The following TAFA5 variants were observed in gnomAD, a reference collection of about 807,000 sequenced individuals.
TAFA5 encodes chemokine-like protein TAFA-5.
TAFA5 carries 6 observed loss-of-function variants against 15.3 expected under a neutral mutation model. The observed-to-expected ratio is 0.39, with a 90% CI of 0.21 to 0.77. The LOEUF is 0.77. Ranked by LOEUF, TAFA5 falls within the 30% of genes least tolerant of loss-of-function variation. The probability of loss-of-function intolerance (pLI) is 0.41; values close to 1 mark genes in which losing one functional copy is unlikely to be tolerated. For synonymous variants in TAFA5, 103 were observed against 80.7 expected, an observed-to-expected ratio of 1.28 and a Z score of -1.48; for missense variants, 161 against 193.1, an observed-to-expected ratio of 0.83 and a Z score of 0.98.
intron 1 of TAFA5, among the ~76,000 whole-genome samples, chr22:48,585,420 CACA>C (rs1303610119): frequency 1.3e-5 from 2 of 150,052 alleles, no homozygotes; most frequent in African/African-American, 4.9e-5. Context: ...CATACACACA[CACA>C]ACACATCACA....
Position 48,679,762 on chromosome 22 carries a change from C to T in TAFA5, c.263-27955C>T, listed in dbSNP as rs137950650. Among the ~76,000 whole-genome samples, 399 of 145,004 alleles carry T rather than the reference C, an allele frequency of 2.8e-3. 13 individuals are homozygous for T. In the East Asian group the frequency reaches 0.065, roughly 24 times the overall value. On this transcript the variant is annotated intron_variant, in intron 2 of 3. Transcript: ENST00000402357. ...TCTCCTGGCTCCCCAGCTCCCCGTC[C>T]ATCCCTCTCCCGGCTCCCTGTCCAT...
chr22:48,576,329 G>A, intron 1 of TAFA5: 1 of 1,195,936 alleles, frequency 8.4e-7, no homozygotes, highest in East Asian at 3.6e-5. Flanking sequence ...GCCTCCCGGA[G>A]TGGCGCCTCC....
At chr22:48,523,330 A>G (rs1921670873) in intron 1 of TAFA5, among the ~76,000 whole-genome samples, 1 of 152,008 alleles carries the variant, frequency 6.6e-6, no homozygotes, top group African/African-American at 2.4e-5. Context: ...CATCCAGGGG[A>G]CCCTACGGGG....
chr22:48,645,619 G>T (rs1418048910), intron 1 of TAFA5, among the ~76,000 whole-genome samples: 3 of 152,082 alleles, frequency 2.0e-5, no homozygotes, highest in South Asian at 2.1e-4. Flanking sequence ...GCCCTGTGGG[G>T]TATCTGTAAT....
chr22:48,546,280 G>A (rs926199408), intron 1 of TAFA5, among the ~76,000 whole-genome samples: 8 of 152,220 alleles, frequency 5.3e-5, no homozygotes, highest in South Asian at 2.1e-4. Context: ...CCATGCCGGC[G>A]TGCGCTGACG....
chr22:48,710,597 CAG>C (rs779301028), intron 3 of TAFA5, among the ~76,000 whole-genome samples: 1 of 152,226 alleles, frequency 6.6e-6, no homozygotes, highest in Non-Finnish European at 1.5e-5. Flanking sequence ...TCTGTGTGTG[CAG>C]AGACAGAGAA....
At chr22:48,504,623 G>A (rs1173035155) in intron 1 of TAFA5, among the ~76,000 whole-genome samples, 3 of 152,216 alleles carry the variant, frequency 2.0e-5, no homozygotes, top group Non-Finnish European at 2.9e-5. Flanking sequence ...GGGGTGTGCT[G>A]AGGCCTGGAG....
At position 48,505,534 on chromosome 22, in the gene TAFA5, G is replaced by T. The variant is rs77506095; in HGVS notation, c.112+15830G>T. Among the ~76,000 whole-genome samples, 242 of 152,326 alleles carry T rather than the reference G, an allele frequency of 1.6e-3. 5 individuals are homozygous for T. The East Asian group carries it at 0.039, about 25-fold the overall frequency. ...TCTGCTCTGAATCTTGCCATTAAAA[G>T]GCCTACTGCCCCAAGGGGGGCTGTG... On this transcript the variant is annotated intron_variant, in intron 1 of 3. Transcript: ENST00000402357.
intron 1 of TAFA5, among the ~76,000 whole-genome samples, chr22:48,621,760 A>G (rs1192178357): frequency 6.6e-6 from 1 of 152,034 alleles, no homozygotes; most frequent in East Asian, 1.9e-4. Flanking sequence ...GCAAACATAC[A>G]TGTGACTGGC....
intron 3 of TAFA5, among the ~76,000 whole-genome samples, chr22:48,745,864 AG>A (rs2147277326): frequency 6.6e-6 from 1 of 152,308 alleles, no homozygotes; most frequent in South Asian, 2.1e-4. Context: ...ACGGGAAGGA[AG>A]GTCCTGAGAG....
chr22:48,527,417 G>A (rs1344415036), intron 1 of TAFA5, among the ~76,000 whole-genome samples: 2 of 152,268 alleles, frequency 1.3e-5, no homozygotes, highest in African/African-American at 4.8e-5. Flanking sequence ...CAAGGCCAGG[G>A]CAGCAGGGGT....
At chr22:48,743,956 C>A (rs1287929511) in intron 3 of TAFA5, among the ~76,000 whole-genome samples, 1 of 152,176 alleles carries the variant, frequency 6.6e-6, no homozygotes, top group Non-Finnish European at 1.5e-5. Context: ...TCACACCAGT[C>A]GTGATGAGTT....
chr22:48,576,258 CTCCGCGGCG>C, intron 1 of TAFA5: 80 of 611,312 alleles, frequency 1.3e-4, no homozygotes, highest in Non-Finnish European at 1.6e-4. Flanking sequence ...CGCCCGCCCC[CTCCGCGGCG>C]CCCCCCTCCC....
chr22:48,709,389 TCTC>T (rs1929182120), intron 3 of TAFA5, among the ~76,000 whole-genome samples: 1 of 120,996 alleles, frequency 8.3e-6, no homozygotes, highest in Admixed American at 9.0e-5. Flanking sequence ...GGGTCTAGGC[TCTC>T]CTCTGTCCCT....
intron 1 of TAFA5, among the ~76,000 whole-genome samples, chr22:48,604,497 C>T (rs1275833062): frequency 6.6e-6 from 1 of 152,236 alleles, no homozygotes; most frequent in East Asian, 1.9e-4. Flanking sequence ...CTGGCATCCA[C>T]TGGATTTGCC....
intron 1 of TAFA5, among the ~76,000 whole-genome samples, chr22:48,513,583 C>T (rs1430205453): frequency 3.9e-5 from 6 of 152,246 alleles, no homozygotes; most frequent in Admixed American, 3.3e-4. Context: ...CTGAAGTCAG[C>T]CCAGTGCTCT....
At chr22:48,626,706 A>G (rs1273087656) in intron 1 of TAFA5, among the ~76,000 whole-genome samples, 1 of 152,222 alleles carries the variant, frequency 6.6e-6, no homozygotes, top group Non-Finnish European at 1.5e-5. Context: ...CTAATTTATC[A>G]AATGGTTTTC....
At chr22:48,669,848 G>C (rs1392756064) in intron 2 of TAFA5, among the ~76,000 whole-genome samples, 1 of 152,240 alleles carries the variant, frequency 6.6e-6, no homozygotes, top group African/African-American at 2.4e-5. Context: ...GCATATGAAG[G>C]CTATTGCAAA....
At chr22:48,646,226 G>A (rs914613829) in intron 1 of TAFA5, among the ~76,000 whole-genome samples, 3 of 152,178 alleles carry the variant, frequency 2.0e-5, no homozygotes, top group Non-Finnish European at 2.9e-5. Context: ...CGTACAGCCC[G>A]GCTTCTCTCC....
Sources: gnomAD v4.1 joint callset for allele counts (sites outside exome capture counted in the v4.1 genomes callset) on GRCh38, gnomAD v4.1.1 for gene constraint, MANE v1.5 for transcripts, NCBI Gene and HGNC (gene_info 2026-07-23, HGNC 2026-07-21) for gene names.